The following CADM2 variants were observed in gnomAD, a reference collection of about 807,000 sequenced individuals.
CADM2 encodes the protein immunoglobulin superfamily member 4D.
CADM2 carries 12 observed loss-of-function variants against 49.8 expected under a neutral mutation model. The observed-to-expected ratio is 0.24, with a 90% confidence interval of 0.15 to 0.39. The LOEUF (loss-of-function observed/expected upper bound fraction) is 0.39, where lower values mean the gene tolerates loss of function less well. Ranked by LOEUF, CADM2 falls within the 10% of genes least tolerant of loss-of-function variation. The pLI, the probability that CADM2 is intolerant of heterozygous loss-of-function variation, is 1.00. For synonymous variants in CADM2, 214 were observed against 175.4 expected, an observed-to-expected ratio of 1.22 and a Z score of -1.74; for missense variants, 378 against 492.3, an observed-to-expected ratio of 0.77 and a Z score of 2.20.
intron 2 of CADM2, among the ~76,000 whole-genome samples, chr3:85,760,365 A>G (rs529139039): frequency 1.3e-5 from 2 of 151,348 alleles, no homozygotes; most frequent in Admixed American, 6.6e-5. Context: ...TAAGAAAATC[A>G]TTTTATCTGA....
chr3:85,547,358 G>A (rs907925722), intron 1 of CADM2, among the ~76,000 whole-genome samples: 10 of 152,162 alleles, frequency 6.6e-5, no homozygotes, highest in African/African-American at 1.9e-4. Context: ...AATTAACCAA[G>A]AAAATATGAA....
At chr3:85,488,781 G>T (rs184860131) in intron 1 of CADM2, among the ~76,000 whole-genome samples, 45 of 151,958 alleles carry the variant, frequency 3.0e-4, no homozygotes, top group Admixed American at 2.9e-3. Flanking sequence ...TGCTCTCCTC[G>T]GCCTCCCAAA....
chr3:85,252,832 C>A (rs2042804692), intron 1 of CADM2, among the ~76,000 whole-genome samples: 1 of 149,208 alleles, frequency 6.7e-6, no homozygotes, highest in Non-Finnish European at 1.5e-5. Flanking sequence ...GGTCAGTAGT[C>A]CTTGAATCTG....
chr3:85,368,867 T>C (rs2032992818), intron 1 of CADM2, among the ~76,000 whole-genome samples: 1 of 152,176 alleles, frequency 6.6e-6, no homozygotes, highest in South Asian at 2.1e-4. Flanking sequence ...CACCCTATTC[T>C]GTCTCATTGC....
chr3:85,932,378 CA>C (rs1389348577), intron 6 of CADM2, among the ~76,000 whole-genome samples: 3 of 152,064 alleles, frequency 2.0e-5, no homozygotes, highest in African/African-American at 7.2e-5. Context: ...ATAGGTGTTG[CA>C]CATAAATAAG....
chr3:85,979,126 T>A, intron 8 of CADM2: 1 of 1,596,332 alleles, frequency 6.3e-7, no homozygotes, highest in Non-Finnish European at 8.6e-7. Context: ...TTTGTTTGCA[T>A]GATATGATTT....
At chr3:85,367,337 G>A (rs1001470665) in intron 1 of CADM2, among the ~76,000 whole-genome samples, 2 of 151,916 alleles carry the variant, frequency 1.3e-5, no homozygotes, top group Admixed American at 6.6e-5. Context: ...GAATGCAAAC[G>A]AAATAGAATC....
intron 2 of CADM2, among the ~76,000 whole-genome samples, chr3:85,727,403 A>G (rs2067747144): frequency 1.3e-5 from 2 of 152,092 alleles, no homozygotes; most frequent in Admixed American, 1.3e-4. Flanking sequence ...TTGTCATAGC[A>G]ATGTATTTGC....
At chr3:85,630,330 A>C (rs1391899765) in intron 1 of CADM2, among the ~76,000 whole-genome samples, 1 of 151,938 alleles carries the variant, frequency 6.6e-6, no homozygotes, top group East Asian at 1.9e-4. Flanking sequence ...ATCTTGTTGC[A>C]CAGGAATGAC....
At chr3:85,503,368 TG>T (rs2040195706) in intron 1 of CADM2, among the ~76,000 whole-genome samples, 1 of 152,188 alleles carries the variant, frequency 6.6e-6, no homozygotes, top group South Asian at 2.1e-4. Flanking sequence ...AAGGATGAAT[TG>T]TAAATAAGTC....
chr3:85,016,723 G>A (rs902560783), intron 1 of CADM2, among the ~76,000 whole-genome samples: 1 of 151,886 alleles, frequency 6.6e-6, no homozygotes, highest in African/African-American at 2.4e-5. Flanking sequence ...AACCTGGGAG[G>A]CAGAGATTGT....
At chr3:85,104,433 C>CTGT (rs2038133092) in intron 1 of CADM2, among the ~76,000 whole-genome samples, 1 of 146,950 alleles carries the variant, frequency 6.8e-6, no homozygotes, top group Non-Finnish European at 1.5e-5. Context: ...CAGTACCATG[C>CTGT]TGTTTTGGTA....
At chr3:85,240,131 T>A (rs2042497617) in intron 1 of CADM2, among the ~76,000 whole-genome samples, 1 of 151,534 alleles carries the variant, frequency 6.6e-6, no homozygotes, top group Non-Finnish European at 1.5e-5. Context: ...TCAAGTGTAA[T>A]CTAATGATAA....
chr3:85,465,754 A>G (rs1240223333), intron 1 of CADM2, among the ~76,000 whole-genome samples: 1 of 152,198 alleles, frequency 6.6e-6, no homozygotes, highest in African/African-American at 2.4e-5. Context: ...CATGAGAACT[A>G]CACATATTAA....
In CADM2 at chr3:85,289,170, C is replaced by G. The variant is rs190153116; in HGVS notation, c.61+329502C>G. 1.0e-3 allele frequency among the ~76,000 whole-genome samples: 156 copies of G among 152,310 alleles called. 1 individual carries two copies. Among genetic ancestry groups the G allele is most frequent in the Middle Eastern group, 3.4e-3 (1 of 294 alleles). ...AAGTGGCAAGCTTAAATTTACCCAT[C>G]TACTTAGCTAGCAGAGCTAGGAAGA... On this transcript the variant is annotated intron_variant, in intron 1 of 9. Coordinates refer to ENST00000383699, the MANE Select transcript of CADM2 (RefSeq NM_001167675.2).
intron 8 of CADM2, chr3:85,992,916 G>A (rs1361405024): frequency 6.6e-6 from 1 of 152,084 alleles, no homozygotes; most frequent in African/African-American, 2.4e-5. Context: ...ATTTCTGTGC[G>A]ATTTCTGTTT....
chr3:85,740,539 T>A (rs1428116412), intron 2 of CADM2, among the ~76,000 whole-genome samples: 1 of 151,154 alleles, frequency 6.6e-6, no homozygotes, highest in Non-Finnish European at 1.5e-5. Flanking sequence ...CCGTCTGTCT[T>A]GTTTATTCTC....
intron 5 of CADM2, among the ~76,000 whole-genome samples, chr3:85,903,411 T>C (rs904544202): frequency 5.9e-5 from 9 of 152,140 alleles, no homozygotes; most frequent in African/African-American, 2.2e-4. Context: ...AGATTTTGTT[T>C]ACCTGAAAAA....
At chr3:85,586,210 C>T (rs2062942326) in intron 1 of CADM2, among the ~76,000 whole-genome samples, 3 of 152,082 alleles carry the variant, frequency 2.0e-5, no homozygotes, top group Non-Finnish European at 4.4e-5. Flanking sequence ...TTGCATCCCC[C>T]TAGCTCATGC....
Sources: gnomAD v4.1 joint callset for allele counts (sites outside exome capture counted in the v4.1 genomes callset) on GRCh38, gnomAD v4.1.1 for gene constraint, MANE v1.5 for transcripts, NCBI Gene and HGNC (gene_info 2026-07-23, HGNC 2026-07-21) for gene names.